EYS: variants seen among roughly 807,000 people sequenced by gnomAD.
EYS encodes the protein EGF-like photoreceptor maintenance factor, also known as protein eyes shut homolog.
A neutral mutation model predicts 282.1 loss-of-function variants in EYS; 250 were observed. The ratio of observed to expected loss-of-function variants is 0.89; its 90% CI spans 0.80 to 0.98. The LOEUF (loss-of-function observed/expected upper bound fraction) is 0.98. Ranked by LOEUF, EYS falls within the 50% of genes least tolerant of loss-of-function variation. The pLI is 0.00. For synonymous variants in EYS, 1,355 were observed against 1,282.9 expected (o/e 1.06, Z -1.20); for missense variants, 4,016 against 3,709.0 (o/e 1.08, Z -2.15).
rs1768337782 is a variant in EYS, at chr6:63,720,648, T to C, written c.9383A>G (p.Lys3128Arg). Residue 3128 changes from lysine to arginine, a missense_variant, in exon 43 of 43, where the codon AAA becomes AGA. By Grantham distance (26) the Lys-to-Arg change is conservative. Transcript: ENST00000503581. ...FQEPKNIELI[K>R]LEGYNVYDGD... ...ATCATAAACATTGTATCCTTCTAAT[T>C]TAATTAGTTCAATGTTTTTTGGTTC... The C allele has an allele frequency of 1.5e-5, 23 of 1,531,716 alleles. No individual in the cohort carries two copies. Among genetic ancestry groups the C allele is most frequent in the Non-Finnish European group, 1.9e-5 (22 of 1,138,368 alleles). The allele number at this position is 1,531,716 out of a possible 1,614,324, so 94.9% of individuals were successfully genotyped here. A position where few individuals can be genotyped will look rare whatever the true frequency, so the allele number is the denominator to read the frequency against.
intron 11 of EYS, chr6:65,334,766 T>C (rs1395887389): frequency 1.5e-5 from 8 of 526,570 alleles, no homozygotes; most frequent in East Asian, 3.2e-5. Context: ...ATATTCCTTC[T>C]TCCCTCCTTT....
At chr6:64,647,423 T>A (rs1768393732) in intron 22 of EYS, among the ~76,000 whole-genome samples, 1 of 152,198 alleles carries the variant, frequency 6.6e-6, no homozygotes, top group Non-Finnish European at 1.5e-5. Context: ...TAAAATTATC[T>A]TAATACAGGT....
intron 29 of EYS, among the ~76,000 whole-genome samples, chr6:64,365,510 G>T (rs1772155845): frequency 6.6e-6 from 1 of 151,954 alleles, no homozygotes; most frequent in South Asian, 2.1e-4. Flanking sequence ...TATAAGAGCA[G>T]CCATGGACAC....
intron 12 of EYS, among the ~76,000 whole-genome samples, chr6:65,083,381 T>C (rs2150172788): frequency 6.6e-6 from 1 of 152,110 alleles, no homozygotes; most frequent in East Asian, 1.9e-4. Flanking sequence ...TAAAGGTAAA[T>C]TGATAATATA....
chr6:64,877,381 A>G (rs1210432591), intron 19 of EYS, among the ~76,000 whole-genome samples: 4 of 152,218 alleles, frequency 2.6e-5, no homozygotes, highest in Non-Finnish European at 4.4e-5. Context: ...ACAAAGATTC[A>G]TAGAACATAT....
intron 22 of EYS, among the ~76,000 whole-genome samples, chr6:64,806,974 G>C (rs1764449596): frequency 6.6e-6 from 1 of 152,046 alleles, no homozygotes; most frequent in Non-Finnish European, 1.5e-5. Context: ...GTCCTCTGCT[G>C]TGTGAGTCTA....
intron 14 of EYS, 126 bp downstream of exon 14, chr6:64,997,456 T>C (rs1771304548): frequency 2.4e-6 from 2 of 850,636 alleles, no homozygotes; most frequent in South Asian, 6.0e-5. Context: ...TTTCTAACCT[T>C]GAGAAGTAAG....
chr6:65,391,096 CAT>C (rs771115421), intron 7 of EYS, among the ~76,000 whole-genome samples: 24 of 151,950 alleles, frequency 1.6e-4, no homozygotes, highest in Non-Finnish European at 2.9e-4. Flanking sequence ...TTTATCTGCA[CAT>C]GTCTGTACTT....
rs142980355 is a variant in EYS, at chr6:65,047,394, T to C, written c.2137+10220A>G. Reference sequence around the variant, plus strand: ...TGACAAAGTCCAATTTATTAATTTTTCCATTTCTGGATCCTGTTTTTTGTT... The same window carrying C: ...TGACAAAGTCCAATTTATTAATTTTCCCATTTCTGGATCCTGTTTTTTGTT... On this transcript the variant is annotated intron_variant, in intron 13 of 42. Coordinates refer to ENST00000503581, the MANE Select transcript of EYS (RefSeq NM_001142800.2). 1.8e-4 allele frequency among the ~76,000 whole-genome samples: 27 copies of C among 152,040 alleles called. 1 individual carries two copies. The East Asian group carries it at 5.3e-3, about 30-fold the overall frequency.
chr6:64,063,876 C>T (rs1771269013), intron 33 of EYS, among the ~76,000 whole-genome samples: 1 of 152,084 alleles, frequency 6.6e-6, no homozygotes, highest in South Asian at 2.1e-4. Flanking sequence ...ATTACAGGCA[C>T]GTGCCACCAT....
chr6:64,599,778 C>T (rs62415844), intron 24 of EYS, among the ~76,000 whole-genome samples: 14,837 of 152,176 alleles, frequency 0.097, 893 homozygotes, highest in East Asian at 0.15. Flanking sequence ...AGAACCCACA[C>T]TTCAAACCAC....
chr6:63,739,922 A>G (rs1443437102), intron 41 of EYS, among the ~76,000 whole-genome samples: 1 of 147,652 alleles, frequency 6.8e-6, no homozygotes, highest in Non-Finnish European at 1.5e-5. Flanking sequence ...CTGGTCTCGA[A>G]CTCCTGACCT....
intron 5 of EYS, 21 bp from the exon 6 acceptor site, chr6:65,405,388 G>GAAAAA: frequency 4.0e-5 from 60 of 1,484,532 alleles, no homozygotes; most frequent in South Asian, 6.1e-5. Context: ...TCACACACAA[G>GAAAAA]AAAAAAAAAG....
intron 5 of EYS, among the ~76,000 whole-genome samples, chr6:65,421,736 C>A (rs1767467548): frequency 6.6e-6 from 1 of 151,768 alleles, no homozygotes; most frequent in Non-Finnish European, 1.5e-5. Flanking sequence ...CATTGTAGGG[C>A]TATTAATTGG....
intron 22 of EYS, among the ~76,000 whole-genome samples, chr6:64,686,710 C>T (rs1770118493): frequency 7.0e-6 from 1 of 142,670 alleles, no homozygotes; most frequent in Non-Finnish European, 1.5e-5. Context: ...CCACTGCACT[C>T]CAGCCTGGGC....
At chr6:65,568,791 G>T (rs371416135) in intron 2 of EYS, among the ~76,000 whole-genome samples, 1 of 152,164 alleles carries the variant, frequency 6.6e-6, no homozygotes, top group East Asian at 1.9e-4. Flanking sequence ...CTTATCTCAA[G>T]AATACAAAAT....
At chr6:63,814,999 T>G (rs1201272418) in intron 36 of EYS, among the ~76,000 whole-genome samples, 3 of 152,206 alleles carry the variant, frequency 2.0e-5, no homozygotes, top group African/African-American at 7.2e-5. Context: ...CATTTCTAAC[T>G]CATGAATTTC....
At chr6:64,706,049 C>G (rs970454590) in intron 22 of EYS, among the ~76,000 whole-genome samples, 2 of 150,854 alleles carry the variant, frequency 1.3e-5, no homozygotes, top group African/African-American at 4.9e-5. Flanking sequence ...CTGGAGGCAT[C>G]ACATTACCTT....
chr6:63,955,839 T>C (rs1765793713), intron 35 of EYS, among the ~76,000 whole-genome samples: 1 of 152,216 alleles, frequency 6.6e-6, no homozygotes, highest in Non-Finnish European at 1.5e-5. Flanking sequence ...AGTCCTTTAA[T>C]ACCTGTTTTT....
Sources: allele counts gnomAD v4.1 joint callset (sites outside exome capture counted in the v4.1 genomes callset), GRCh38; gene constraint gnomAD v4.1.1; transcripts MANE v1.5; gene names NCBI Gene and HGNC (gene_info 2026-07-23, HGNC 2026-07-21).